IL34: variants seen among roughly 807,000 people sequenced by gnomAD.
The protein encoded by IL34 is interleukin-34.
IL34 carries 17 observed loss-of-function variants against 25.3 expected under a neutral mutation model. The ratio of observed to expected loss-of-function variants is 0.67; its 90% CI spans 0.46 to 1.01. The LOEUF (loss-of-function observed/expected upper bound fraction) is 1.01. Ranked by LOEUF, IL34 falls within the 50% of genes least tolerant of loss-of-function variation. The pLI, the probability that IL34 is intolerant of heterozygous loss-of-function variation, is 0.00. For synonymous variants in IL34, 174 were observed against 140.9 expected (o/e 1.23, Z -1.66); for missense variants, 368 against 312.9 (o/e 1.18, Z -1.33).
intron 1 of IL34, among the ~76,000 whole-genome samples, chr16:70,634,173 A>G (rs1567455424): frequency 6.6e-6 from 1 of 151,564 alleles, no homozygotes; most frequent in Non-Finnish European, 1.5e-5. Context: ...TTATCAGGAC[A>G]CCAGTCATTG....
intron 4 of IL34, among the ~76,000 whole-genome samples, chr16:70,657,599 AC>A (rs1184023274): frequency 1.3e-5 from 2 of 151,828 alleles, no homozygotes; most frequent in Admixed American, 1.3e-4. Flanking sequence ...AAATGGTGAA[AC>A]CCCGTCTCTA....
At position 70,659,668 on chromosome 16, in the gene IL34, C is replaced by A; in HGVS notation, c.453C>A (p.Ala151=). ...AATCCGTGTTGTCCCTCTTGAATGC[C>A]CCAGGGCCAAACCTGAAGCTGGTGC... ...KVESVLSLLN[A]PGPNLKLVRP... is the part of the protein sequence containing the mutation. The change falls in exon 5 of 6, where the codon GCC becomes GCA. Residue 151 remains alanine (A), a synonymous_variant. Transcript: ENST00000288098. 6.2e-7 allele frequency: 1 copy of A among 1,613,238 alleles called. No individual in the cohort carries two copies. The highest frequency in any genetic ancestry group is 8.5e-7 in the Non-Finnish European group (1 of 1,179,682).
At position 70,659,846 on chromosome 16, in the gene IL34, A is replaced by G. The variant is rs1179224218; in HGVS notation, c.538+93A>G. 5 of 1,510,904 alleles carry G rather than the reference A, an allele frequency of 3.3e-6. No homozygotes were observed. The East Asian group carries it at 9.1e-5, about 28-fold the overall frequency. The allele number at this position is 1,510,904 out of a possible 1,614,324, so 93.6% of individuals were successfully genotyped here. On this transcript the variant is annotated intron_variant, in intron 5 of 5. Coordinates refer to ENST00000288098, the MANE Select transcript of IL34 (RefSeq NM_001393494.1). Reference sequence around the variant, plus strand: ...TGGCAGAGCTGGCGTCCTCCCGGGCATATCCTCTGCTCCCCGGGGCTACAA... The same window carrying G: ...TGGCAGAGCTGGCGTCCTCCCGGGCGTATCCTCTGCTCCCCGGGGCTACAA...
intron 1 of IL34, among the ~76,000 whole-genome samples, chr16:70,586,922 C>G (rs1391854115): frequency 6.6e-6 from 1 of 152,210 alleles, no homozygotes; most frequent in Non-Finnish European, 1.5e-5. Context: ...GGTCACCTTG[C>G]TGGAGGGCCC....
chr16:70,630,258 G>C lies in IL34; in HGVS notation c.-400-16290G>C, dbSNP rs114860592. On this transcript the variant is annotated intron_variant, in intron 1 of 6. Coordinates refer to the IL34 transcript ENST00000429149. ...CCTTCTTTCTTTTTAATTTTTTTTG[G>C]AGATGGAGTCTCTCTGTCGCACAGG... Among the ~76,000 whole-genome samples the C allele has an allele frequency of 4.6e-3, 693 of 151,396 alleles. 4 individuals are homozygous for C. Among genetic ancestry groups the C allele is most frequent in the African/African-American group, 0.015 (626 of 41,244 alleles).
At chr16:70,596,992 C>T (rs534816457) in intron 1 of IL34, among the ~76,000 whole-genome samples, 16 of 152,208 alleles carry the variant, frequency 1.1e-4, no homozygotes, top group African/African-American at 3.4e-4. Context: ...GGTATAGGCA[C>T]GCTCAGTAGA....
chr16:70,649,766 CCT>C (rs1316492187), intron 1 of IL34, among the ~76,000 whole-genome samples: 1 of 151,776 alleles, frequency 6.6e-6, no homozygotes, highest in South Asian at 2.1e-4. Context: ...TCTTAAGCCT[CCT>C]CTCTGTCTTG....
At chr16:70,624,265 T>C (rs1315855960) in intron 1 of IL34, among the ~76,000 whole-genome samples, 1 of 151,282 alleles carries the variant, frequency 6.6e-6, no homozygotes, top group Non-Finnish European at 1.5e-5. Flanking sequence ...GGGAAGGAGG[T>C]TCTGGAGGAA....
At position 70,653,477 on chromosome 16, in the gene IL34, T is replaced by C. The variant is rs8055594; in HGVS notation, c.29-1061T>C. 9.8e-3 allele frequency among the ~76,000 whole-genome samples: 1,496 copies of C among 152,114 alleles called. 25 individuals are homozygous for C. The highest frequency in any genetic ancestry group is 0.034 in the African/African-American group (1,428 of 41,512). On this transcript the variant is annotated intron_variant, in intron 1 of 5. Transcript: ENST00000288098. Reference sequence around the variant, plus strand: ...ACTTTGGGAGGCTGAGGCAGGAGAATTGCTTGAGCTCAGGAGTTCGAGGCA... The same window carrying C: ...ACTTTGGGAGGCTGAGGCAGGAGAACTGCTTGAGCTCAGGAGTTCGAGGCA...
chr16:70,648,457 G>A (rs1440724807), intron 1 of IL34, among the ~76,000 whole-genome samples: 1 of 151,726 alleles, frequency 6.6e-6, no homozygotes, highest in East Asian at 1.9e-4. Flanking sequence ...GGAGGCTGAG[G>A]TGGGAGGATC....
chr16:70,612,414 C>T (rs1053630257), intron 1 of IL34, among the ~76,000 whole-genome samples: 2 of 152,128 alleles, frequency 1.3e-5, no homozygotes, highest in African/African-American at 4.8e-5. Context: ...AGGCCAAGGC[C>T]CAAGCTGTGG....
In IL34 at chr16:70,640,626, TAAA is replaced by T. The variant is rs149787357; in HGVS notation, c.-400-5908_-400-5906del. On this transcript the variant is annotated intron_variant, in intron 1 of 6. Transcript: ENST00000429149. ...GCGACAGAGCAAGACTCCGTCTCAA[TAAA>T]AAAAAAAAAAAAAGTTAGTTTTTAA... Among the ~76,000 whole-genome samples, 190 of 131,822 alleles carry T rather than the reference TAAA, an allele frequency of 1.4e-3. 3 individuals carry two copies. The East Asian group carries it at 0.039, about 27-fold the overall frequency. The allele number at this position is 131,822 out of a possible 152,430, so 86.5% of individuals were successfully genotyped here.
At chr16:70,647,335 G>T (rs920514658) in intron 1 of IL34, among the ~76,000 whole-genome samples, 66 of 152,312 alleles carry the variant, frequency 4.3e-4, no homozygotes, top group African/African-American at 9.6e-4. Context: ...GCCGGTGGAG[G>T]GGGGCAGGGG....
In IL34 at chr16:70,660,433, CCTGG is replaced by C; in HGVS notation, c.*249_*252del. 2.3e-6 allele frequency: 1 copy of C among 442,750 alleles called. No individual in the cohort carries two copies. Among genetic ancestry groups the C allele is most frequent in the East Asian group, 3.6e-5 (1 of 27,598 alleles). 27.4% of individuals were successfully genotyped at this position (442,750 alleles called of 1,614,324 possible). A position where few individuals can be genotyped will look rare whatever the true frequency, so the allele number is the denominator to read the frequency against. ...CCTGAAGGTGGATGGGGACACAGCT[CCTGG>C]CTTCTCCTGGTGCTGCCCTCACTGT... On this transcript the variant is annotated 3_prime_UTR_variant, in exon 6 of 6. Coordinates refer to ENST00000288098, the MANE Select transcript of IL34 (RefSeq NM_001393494.1).
intron 1 of IL34, among the ~76,000 whole-genome samples, chr16:70,626,489 C>A (rs1211991069): frequency 3.9e-5 from 6 of 152,152 alleles, no homozygotes; most frequent in Admixed American, 3.9e-4. Flanking sequence ...CTCTGCCTCC[C>A]AGGTTCAAGT....
intron 1 of IL34, among the ~76,000 whole-genome samples, chr16:70,612,660 G>C (rs936266605): frequency 2.8e-4 from 42 of 152,332 alleles, no homozygotes; most frequent in African/African-American, 8.7e-4. Context: ...CTTTTTGACA[G>C]GTATAAAGTG....
Position 70,646,730 on chromosome 16 carries a change from C to T in IL34, c.-218C>T, listed in dbSNP as rs1234160383. ...GCTGCCATGGGACTTGCGGCCACCGCCCCCCGGCTGTCCTCCACGCTGCCG... is the reference window on the plus strand; with the variant it reads ...GCTGCCATGGGACTTGCGGCCACCGTCCCCCGGCTGTCCTCCACGCTGCCG... On this transcript the variant is annotated 5_prime_UTR_variant, in exon 1 of 6. Transcript: ENST00000288098. 3 of 491,182 alleles carry T rather than the reference C, an allele frequency of 6.1e-6. No homozygotes were observed. The highest frequency in any genetic ancestry group is 1.1e-5 in the Non-Finnish European group (3 of 283,232). 30.4% of individuals were successfully genotyped at this position (491,182 alleles called of 1,614,324 possible).
rs536182423 is a variant in IL34 at position 70,593,560 on chromosome 16, A to C, written c.-401+13511A>C. Among the ~76,000 whole-genome samples the C allele has an allele frequency of 3.9e-5, 6 of 152,220 alleles. No individual in the cohort carries two copies. The South Asian group carries it at 1.2e-3, about 32-fold the overall frequency. On this transcript the variant is annotated intron_variant, in intron 1 of 6. Coordinates refer to the IL34 transcript ENST00000429149. Reference sequence around the variant, plus strand: ...TGAGACAGGATCTCACTCTGTTGTCAAGGCTGGAGTGCAGTGGCATGATTG... The same window carrying C: ...TGAGACAGGATCTCACTCTGTTGTCCAGGCTGGAGTGCAGTGGCATGATTG...
At chr16:70,581,058 C>G (rs1011513075) in intron 1 of IL34, among the ~76,000 whole-genome samples, 1 of 151,658 alleles carries the variant, frequency 6.6e-6, no homozygotes, top group East Asian at 2.0e-4. Context: ...ATTACAGGCA[C>G]CCGCTACCAC....
Sources: gnomAD v4.1 joint callset for allele counts (sites outside exome capture counted in the v4.1 genomes callset) on GRCh38, gnomAD v4.1.1 for gene constraint, MANE v1.5 for transcripts, NCBI Gene and HGNC (gene_info 2026-07-23, HGNC 2026-07-21) for gene names.